The following KDM2A variants were observed in gnomAD, a reference collection of about 807,000 sequenced individuals.
KDM2A encodes the protein lysine demethylase 2A.
KDM2A carries 3 observed loss-of-function variants against 137.3 expected under a neutral mutation model. That is an observed-to-expected ratio of 0.02 (90% CI 0.01 to 0.06). The LOEUF is 0.06. Among genes scored for constraint, KDM2A ranks in the 10% least tolerant of loss-of-function variants. The pLI is 1.00. For missense variants in KDM2A, 738 were observed against 1,510.6 expected, an observed-to-expected ratio of 0.49 and a Z score of 8.48; for synonymous variants, 512 against 541.5, an observed-to-expected ratio of 0.95 and a Z score of 0.76.
chr11:67,232,069 G>A, intron 12 of KDM2A, 109 bp downstream of exon 12: 1 of 1,085,808 alleles, frequency 9.2e-7, no homozygotes, highest in Non-Finnish European at 1.3e-6. Context: ...GGTTCAGTCA[G>A]AGAGAAGTTA....
At chr11:67,182,219 T>C (rs1271998620) in intron 5 of KDM2A, among the ~76,000 whole-genome samples, 1 of 152,162 alleles carries the variant, frequency 6.6e-6, no homozygotes, top group Non-Finnish European at 1.5e-5. Context: ...TTAATATCCG[T>C]GATTCCCTTC....
At chr11:67,202,292 C>G (rs1857647069) in intron 5 of KDM2A, among the ~76,000 whole-genome samples, 1 of 151,996 alleles carries the variant, frequency 6.6e-6, no homozygotes, top group African/African-American at 2.4e-5. Context: ...GTTAAAATAA[C>G]AAGGTATTTA....
Position 67,256,427 on chromosome 11 carries a change from TAGC to T in KDM2A, c.*1379_*1381del, listed in dbSNP as rs1187526141. 1.3e-5 allele frequency: 2 copies of T among 152,624 alleles called. No individual in the cohort carries two copies. Among genetic ancestry groups the T allele is most frequent in the Non-Finnish European group, 2.9e-5 (2 of 68,020 alleles). 9.5% of individuals were successfully genotyped at this position (152,624 alleles called of 1,614,324 possible). On this transcript the variant is annotated 3_prime_UTR_variant, in exon 21 of 21. Transcript: ENST00000529006. Reference sequence around the variant, plus strand: ...TTTAAGTGTGTGAGGAGATGCTCAGTAGCAGCAGCCTATGGCAAGAGCTTATAA... The same window carrying T: ...TTTAAGTGTGTGAGGAGATGCTCAGTAGCAGCCTATGGCAAGAGCTTATAA...
chr11:67,245,093 C>A lies in KDM2A; in HGVS notation c.1564-96C>A. The stretch of plus-strand genomic sequence containing the variant: ...AGTGGGCAGATCTGGCCATAGTGGG[C>A]CAAGCCCCAGGCTAGGTATGCTACC... On this transcript the variant is annotated intron_variant, in intron 13 of 20. Transcript: ENST00000529006. The surrounding 1 kb of genome is among the most constrained non-coding windows in gnomAD (Gnocchi z 4.1). 1 of 1,427,488 alleles carries A rather than the reference C, an allele frequency of 7.0e-7. No homozygotes were observed. Among genetic ancestry groups the A allele is most frequent in the Non-Finnish European group, 9.5e-7 (1 of 1,048,174 alleles). 88.4% of individuals were successfully genotyped at this position (1,427,488 alleles called of 1,614,324 possible).
intron 5 of KDM2A, among the ~76,000 whole-genome samples, chr11:67,188,802 A>G (rs1857273214): frequency 6.6e-6 from 1 of 152,028 alleles, no homozygotes; most frequent in South Asian, 2.1e-4. Flanking sequence ...AAAAAAAAAA[A>G]AAAAAAAATG....
At chr11:67,243,153 C>A in intron 13 of KDM2A, 61 bp downstream of exon 13, 1 of 1,219,892 alleles carries the variant, frequency 8.2e-7, no homozygotes, top group Non-Finnish European at 1.2e-6. Context: ...TGATCATTAC[C>A]ATTCTGGGGA....
chr11:67,182,916 A>G (rs1268462973), intron 5 of KDM2A, among the ~76,000 whole-genome samples: 1 of 152,192 alleles, frequency 6.6e-6, no homozygotes, highest in African/African-American at 2.4e-5. Flanking sequence ...TAGAATTTCT[A>G]TTATCTTTTG....
At chr11:67,191,127 T>TC (rs987844412) in intron 5 of KDM2A, among the ~76,000 whole-genome samples, 3 of 152,082 alleles carry the variant, frequency 2.0e-5, no homozygotes, top group African/African-American at 7.2e-5. Flanking sequence ...CACTGCAATC[T>TC]CCACCTCCTG....
chr11:67,122,280 A>G (rs961526508), intron 2 of KDM2A, among the ~76,000 whole-genome samples: 1 of 152,180 alleles, frequency 6.6e-6, no homozygotes, highest in African/African-American at 2.4e-5. Context: ...GTTCTCGAAT[A>G]CATTTTCTAG....
intron 2 of KDM2A, among the ~76,000 whole-genome samples, chr11:67,124,858 CT>C (rs1855682518): frequency 6.7e-6 from 1 of 150,036 alleles, no homozygotes. Flanking sequence ...CTTTCTTTTT[CT>C]TTCTTTTTTT....
intron 2 of KDM2A, among the ~76,000 whole-genome samples, chr11:67,160,877 G>A (rs550370098): frequency 6.6e-6 from 1 of 152,356 alleles, no homozygotes; most frequent in African/African-American, 2.4e-5. Flanking sequence ...GGAAGCTGAG[G>A]CAGGAGAATT....
At chr11:67,157,616 G>A (rs532835984) in intron 2 of KDM2A, among the ~76,000 whole-genome samples, 7 of 151,630 alleles carry the variant, frequency 4.6e-5, no homozygotes, top group African/African-American at 1.2e-4. Flanking sequence ...ACAGTGGCAC[G>A]CGCCTGAAAT....
At chr11:67,185,833 T>C (rs1160768810) in intron 5 of KDM2A, among the ~76,000 whole-genome samples, 1 of 151,908 alleles carries the variant, frequency 6.6e-6, no homozygotes, top group African/African-American at 2.4e-5. Context: ...GTCTCGCTTT[T>C]CACCATGTGA....
rs536246352 is a variant in KDM2A, at chr11:67,215,702, G to C, written c.594-154G>C. On this transcript the variant is annotated intron_variant, in intron 7 of 20. Coordinates refer to ENST00000529006, the MANE Select transcript of KDM2A (RefSeq NM_012308.3). ...AAAAAAAAAACCTTTTTCTGATAAT[G>C]TGATGACTTGAAAATGCATTGCTTT... The C allele has an allele frequency of 1.3e-4, 94 of 698,556 alleles. No individual in the cohort carries two copies. In the South Asian group the frequency reaches 1.6e-3, roughly 12 times the overall value. 43.3% of individuals were successfully genotyped at this position (698,556 alleles called of 1,614,324 possible).
At chr11:67,126,977 A>G (rs1201564254) in intron 2 of KDM2A, among the ~76,000 whole-genome samples, 1 of 152,170 alleles carries the variant, frequency 6.6e-6, no homozygotes, top group Non-Finnish European at 1.5e-5. Flanking sequence ...ATTGATTGCC[A>G]GAACAAAGCC....
At chr11:67,165,533 T>C (rs1250935654) in intron 2 of KDM2A, among the ~76,000 whole-genome samples, 1 of 152,172 alleles carries the variant, frequency 6.6e-6, no homozygotes, top group Non-Finnish European at 1.5e-5. Flanking sequence ...ATTTGTTGAT[T>C]AAGAGACTGA....
chr11:67,148,249 G>A (rs769451571), intron 2 of KDM2A, among the ~76,000 whole-genome samples: 12 of 149,340 alleles, frequency 8.0e-5, no homozygotes, highest in Admixed American at 4.0e-4. Context: ...TTGCAAGACC[G>A]CATCTCTATT....
intron 12 of KDM2A, among the ~76,000 whole-genome samples, chr11:67,234,740 C>T (rs950353223): frequency 6.6e-6 from 1 of 152,156 alleles, no homozygotes; most frequent in African/African-American, 2.4e-5. Context: ...GTGATCCCAG[C>T]TACGTGGAAG....
In KDM2A at chr11:67,256,452, A is replaced by T. The variant is rs1268754763; in HGVS notation, c.*1397A>T. The stretch of plus-strand genomic sequence containing the variant: ...TAGCAGCAGCCTATGGCAAGAGCTT[A>T]TAAATGATTGATGCAAATTTGCACT... On this transcript the variant is annotated 3_prime_UTR_variant, in exon 21 of 21. Transcript: ENST00000529006. 6.6e-6 allele frequency: 1 copy of T among 152,630 alleles called. No individual in the cohort carries two copies. The highest frequency in any genetic ancestry group is 1.5e-5 in the Non-Finnish European group (1 of 68,022). 9.5% of individuals were successfully genotyped at this position (152,630 alleles called of 1,614,324 possible).
Sources: allele counts gnomAD v4.1 joint callset (sites outside exome capture counted in the v4.1 genomes callset), GRCh38; gene constraint gnomAD v4.1.1; non-coding constraint Gnocchi (gnomAD v3.1); transcripts MANE v1.5; gene names NCBI Gene and HGNC (gene_info 2026-07-23, HGNC 2026-07-21).